CDH19: variants seen among roughly 807,000 people sequenced by gnomAD.
CDH19 encodes the protein cadherin-19.
CDH19 carries 67 observed loss-of-function variants against 64.2 expected under a neutral mutation model. That is an observed-to-expected ratio of 1.04 (90% CI 0.86 to 1.28). The LOEUF (loss-of-function observed/expected upper bound fraction) is 1.28, where lower values mean the gene tolerates loss of function less well. Ranked by LOEUF, CDH19 falls within the 50% of genes most tolerant of loss-of-function variation. CDH19 has a pLI of 0.00. For missense variants in CDH19, 1,030 were observed against 929.0 expected (o/e 1.11, Z -1.41); for synonymous variants, 346 against 319.3 (o/e 1.08, Z -0.89).
intron 11 of CDH19, among the ~76,000 whole-genome samples, chr18:66,507,890 C>A (rs943517140): frequency 6.6e-6 from 1 of 151,700 alleles, no homozygotes; most frequent in African/African-American, 2.4e-5. Flanking sequence ...ATATTCATCA[C>A]CTTAAATACT....
At chr18:66,567,470 T>TGTA in intron 3 of CDH19, among the ~76,000 whole-genome samples, 1 of 151,888 alleles carries the variant, frequency 6.6e-6, no homozygotes, top group South Asian at 2.1e-4. Context: ...TGTCTTGATA[T>TGTA]ATATTACACA....
chr18:66,558,721 A>G (rs1036230622), intron 3 of CDH19, among the ~76,000 whole-genome samples: 8 of 152,064 alleles, frequency 5.3e-5, no homozygotes, highest in African/African-American at 1.4e-4. Flanking sequence ...TATGAAACCA[A>G]TAAAGTGTCT....
At position 66,589,279 on chromosome 18, in the gene CDH19, T is replaced by C. The variant is rs1263283895; in HGVS notation, c.-113+14675A>G. Among the ~76,000 whole-genome samples the C allele has an allele frequency of 4.0e-5, 6 of 151,020 alleles. No homozygotes were observed. In the South Asian group the frequency reaches 1.0e-3, roughly 26 times the overall value. The stretch of plus-strand genomic sequence containing the variant: ...ATATATATATACACACATATATATA[T>C]ATATCTGTAAAGGCAACATGAAGGA... On this transcript the variant is annotated intron_variant, in intron 1 of 11. Coordinates refer to ENST00000262150, the MANE Select transcript of CDH19 (RefSeq NM_021153.4).
rs1220486657 is a variant in CDH19, at chr18:66,572,314, T to C, written c.-110A>G. The stretch of plus-strand genomic sequence containing the variant: ...TTTCTGATTCTGTGTACCTTCTATA[T>C]ACCTAAAGCGTCAGAAACAAAACAA... On this transcript the variant is annotated splice_region_variant and 5_prime_UTR_variant, in exon 2 of 12. Coordinates refer to ENST00000262150, the MANE Select transcript of CDH19 (RefSeq NM_021153.4). The C allele has an allele frequency of 2.5e-5, 18 of 711,536 alleles. No homozygotes were observed. The highest frequency in any genetic ancestry group is 3.5e-5 in the Non-Finnish European group (16 of 455,578). 44.1% of individuals were successfully genotyped at this position (711,536 alleles called of 1,614,324 possible).
At chr18:66,589,587 C>A (rs1228458725) in intron 1 of CDH19, among the ~76,000 whole-genome samples, 1 of 151,836 alleles carries the variant, frequency 6.6e-6, no homozygotes. Context: ...CTCTCTATAA[C>A]TGTAATATCT....
chr18:66,541,798 G>T (rs1986896719), intron 7 of CDH19, among the ~76,000 whole-genome samples: 1 of 152,050 alleles, frequency 6.6e-6, no homozygotes, highest in African/African-American at 2.4e-5. Flanking sequence ...GAAGTCATTA[G>T]CTAAAATATT....
intron 5 of CDH19, among the ~76,000 whole-genome samples, chr18:66,545,431 C>T: frequency 6.7e-6 from 1 of 148,542 alleles, no homozygotes; most frequent in East Asian, 2.0e-4. Flanking sequence ...CTTCCTTCCT[C>T]TCTCTGCCCC....
At chr18:66,543,854 G>A (rs1986991980) in intron 7 of CDH19, 117 bp downstream of exon 7, 1 of 747,740 alleles carries the variant, frequency 1.3e-6, no homozygotes, top group Admixed American at 3.0e-5. Flanking sequence ...CTGTACTCGA[G>A]CCTAGAAGAC....
chr18:66,512,851 A>G (rs977115652), intron 9 of CDH19, among the ~76,000 whole-genome samples: 2 of 151,464 alleles, frequency 1.3e-5, no homozygotes, highest in Non-Finnish European at 3.0e-5. Flanking sequence ...TTTGCCATTT[A>G]GAAGTTTTTA....
intron 3 of CDH19, among the ~76,000 whole-genome samples, chr18:66,559,052 C>G (rs1394695474): frequency 1.3e-5 from 2 of 151,962 alleles, no homozygotes; most frequent in Admixed American, 1.3e-4. Flanking sequence ...CCCGGTCATC[C>G]CATTTCCTAA....
intron 1 of CDH19, among the ~76,000 whole-genome samples, chr18:66,590,041 TA>T (rs1328590972): frequency 6.6e-6 from 1 of 151,922 alleles, no homozygotes; most frequent in African/African-American, 2.4e-5. Flanking sequence ...CCTCAATCTT[TA>T]AATAAATATG....
At chr18:66,549,059 G>A (rs2144507313) in intron 5 of CDH19, among the ~76,000 whole-genome samples, 1 of 152,070 alleles carries the variant, frequency 6.6e-6, no homozygotes, top group East Asian at 1.9e-4. Flanking sequence ...ATTCCCACAA[G>A]GGAAAACCAT....
In CDH19 at chr18:66,551,098, T is replaced by C. The variant is rs771326252; in HGVS notation, c.771A>G (p.Lys257=). The change falls in exon 5 of 12, where the codon AAA becomes AAG. Residue 257 remains lysine, a synonymous_variant. Transcript: ENST00000262150. ...TGTAGAATCCTTTTTACTTACTTTCTTTAAATATAGGCTTATTGTCATTAA... is the reference window on the plus strand; with the variant it reads ...TGTAGAATCCTTTTTACTTACTTTCCTTAAATATAGGCTTATTGTCATTAA... ...SDVNDNKPIF[K]ESLYRLTVSE... is the part of the protein sequence containing the mutation. The C allele has an allele frequency of 7.1e-6, 11 of 1,552,974 alleles. No homozygotes were observed. In the East Asian group the frequency reaches 2.5e-4, roughly 35 times the overall value.
In CDH19 at chr18:66,580,739, A is replaced by T. The variant is rs191060269; in HGVS notation, c.-112-8423T>A. Among the ~76,000 whole-genome samples, 6 of 152,270 alleles carry T rather than the reference A, an allele frequency of 3.9e-5. No individual in the cohort carries two copies. In the East Asian group the frequency reaches 1.2e-3, roughly 29 times the overall value. ...AATCATCATTTATAATTCTAAGGAA[A>T]AAGCCCTTTAATTTGAACACTCTTA... On this transcript the variant is annotated intron_variant, in intron 1 of 11. Coordinates refer to ENST00000262150, the MANE Select transcript of CDH19 (RefSeq NM_021153.4).
rs1299966554 is a variant in CDH19 at position 66,504,042 on chromosome 18, A to G, written c.*770T>C. ...ATTGAGTAAATAAAATAACACTAAG[A>G]TATCTTAATTCAGTGCCTTTCTCAC... On this transcript the variant is annotated 3_prime_UTR_variant, in exon 12 of 12. Coordinates refer to ENST00000262150, the MANE Select transcript of CDH19 (RefSeq NM_021153.4). 1 of 151,992 alleles carries G rather than the reference A, an allele frequency of 6.6e-6. No homozygotes were observed. The highest frequency in any genetic ancestry group is 1.5e-5 in the Non-Finnish European group (1 of 67,926). 9.4% of individuals were successfully genotyped at this position (151,992 alleles called of 1,614,324 possible). A position where few individuals can be genotyped will look rare whatever the true frequency, so the allele number is the denominator to read the frequency against.
At position 66,544,752 on chromosome 18, in the gene CDH19, A is replaced by G. The variant is rs971481540; in HGVS notation, c.927T>C (p.His309=). The G allele has an allele frequency of 7.5e-6, 12 of 1,609,756 alleles. No homozygotes were observed. In the Admixed American group the frequency reaches 1.8e-4, roughly 25 times the overall value. ...ATATAACTATTCCTTCTTGAGTTTCATGATTAGTAATAATGTCAAATGTTT... is the reference window on the plus strand; with the variant it reads ...ATATAACTATTCCTTCTTGAGTTTCGTGATTAGTAATAATGTCAAATGTTT... The part of the protein sequence containing the change: ...DSQTFDIITN[H]ETQEGIVILK... Residue 309 remains histidine, a synonymous_variant, in exon 6 of 12, where the codon CAT becomes CAC. Coordinates refer to ENST00000262150, the MANE Select transcript of CDH19 (RefSeq NM_021153.4).
chr18:66,511,583 T>C lies in CDH19; in HGVS notation c.1561A>G (p.Ile521Val), dbSNP rs1469366057. The C allele has an allele frequency of 7.2e-7, 1 of 1,381,734 alleles. No homozygotes were observed. Among genetic ancestry groups the C allele is most frequent in the Admixed American group, 1.7e-5 (1 of 58,448 alleles). 85.6% of individuals were successfully genotyped at this position (1,381,734 alleles called of 1,614,324 possible). A position where few individuals can be genotyped will look rare whatever the true frequency, so the allele number is the denominator to read the frequency against. ...ATGACATTACCTTGATTATCTATGATTGTAAAACTTGAATTGTTAGTGTCT... is the reference window on the plus strand; with the variant it reads ...ATGACATTACCTTGATTATCTATGACTGTAAAACTTGAATTGTTAGTGTCT... ...VEDTNNSSFT[I>V]IDNQDNTAVI... The change falls in exon 10 of 12, where the codon ATC (isoleucine) becomes GTC (valine). Residue 521 changes from isoleucine to valine, a missense_variant. Ile to Val is a conservative substitution (Grantham distance 29, BLOSUM62 3). Coordinates refer to ENST00000262150, the MANE Select transcript of CDH19 (RefSeq NM_021153.4).
chr18:66,539,878 GGTT>G (rs2144466451), intron 7 of CDH19, among the ~76,000 whole-genome samples: 1 of 152,006 alleles, frequency 6.6e-6, no homozygotes, highest in East Asian at 1.9e-4. Flanking sequence ...GTACATATAT[GGTT>G]GTTTGTAAAT....
intron 3 of CDH19, among the ~76,000 whole-genome samples, chr18:66,562,807 T>C (rs1274762300): frequency 6.6e-6 from 1 of 152,156 alleles, no homozygotes; most frequent in African/African-American, 2.4e-5. Context: ...CTAACCTGTA[T>C]AAAACTACAT....
Sources: gnomAD v4.1 joint callset for allele counts (sites outside exome capture counted in the v4.1 genomes callset) on GRCh38, gnomAD v4.1.1 for gene constraint, MANE v1.5 for transcripts, NCBI Gene and HGNC (gene_info 2026-07-23, HGNC 2026-07-21) for gene names.